Variants in PPP2R2B observed in about 807,000 individuals in gnomAD.
PPP2R2B encodes the protein protein phosphatase 2 regulatory subunit Bbeta, also known as serine/threonine-protein phosphatase 2A 55 kDa regulatory subunit B beta isoform.
Under a neutral mutation model 46.0 loss-of-function variants are expected in PPP2R2B, and 5 were observed. The observed-to-expected ratio is 0.11, with a 90% CI of 0.06 to 0.23. The LOEUF is 0.23. Among genes scored for constraint, PPP2R2B ranks in the 10% least tolerant of loss-of-function variants. The probability of loss-of-function intolerance (pLI) is 1.00; values close to 1 mark genes in which losing one functional copy is unlikely to be tolerated. For synonymous variants in PPP2R2B, 215 were observed against 206.7 expected (o/e 1.04, Z -0.34); for missense variants, 367 against 575.0 (o/e 0.64, Z 3.70).
At chr5:146,954,979 C>A (rs1038330959) in intron 1 of PPP2R2B, among the ~76,000 whole-genome samples, 4 of 152,078 alleles carry the variant, frequency 2.6e-5, no homozygotes, top group African/African-American at 7.2e-5. Context: ...ATAGGAAGAA[C>A]CATGATGAAT....
intron 6 of PPP2R2B, among the ~76,000 whole-genome samples, chr5:146,645,032 G>T (rs991838837): frequency 3.9e-5 from 6 of 152,304 alleles, no homozygotes; most frequent in Non-Finnish European, 7.3e-5. Context: ...AAGCTGAAGA[G>T]TGGAATCTAT....
At chr5:146,979,083 C>A (rs529945634) in intron 1 of PPP2R2B, among the ~76,000 whole-genome samples, 1 of 152,254 alleles carries the variant, frequency 6.6e-6, no homozygotes, top group African/African-American at 2.4e-5. Flanking sequence ...TCTACTTACT[C>A]TACTTCAGTA....
chr5:146,796,214 A>G (rs1756525684), intron 2 of PPP2R2B, among the ~76,000 whole-genome samples: 1 of 152,188 alleles, frequency 6.6e-6, no homozygotes, highest in Non-Finnish European at 1.5e-5. Context: ...GGGCAATGAA[A>G]AAAACCAATG....
At chr5:147,022,725 A>G (rs959178874) in intron 1 of PPP2R2B, among the ~76,000 whole-genome samples, 1 of 152,150 alleles carries the variant, frequency 6.6e-6, no homozygotes, top group South Asian at 2.1e-4. Context: ...AAAAAAGTCC[A>G]TTACATACAG....
chr5:146,856,480 T>A, intron 2 of PPP2R2B: 1 of 1,530,036 alleles, frequency 6.5e-7, no homozygotes, highest in Non-Finnish European at 9.1e-7. Context: ...AGAGTAGGTA[T>A]AAATAATAAT....
At chr5:147,018,037 G>GCA (rs1491254550) in intron 1 of PPP2R2B, among the ~76,000 whole-genome samples, 1 of 119,082 alleles carries the variant, frequency 8.4e-6, no homozygotes, top group African/African-American at 3.5e-5. Context: ...ACACATGCAT[G>GCA]CGCGCGCACA....
At chr5:146,868,197 A>G (rs1028158305) in intron 2 of PPP2R2B, among the ~76,000 whole-genome samples, 4 of 152,154 alleles carry the variant, frequency 2.6e-5, no homozygotes, top group Non-Finnish European at 5.9e-5. Context: ...CCTGCCAACA[A>G]CTTTGCCAAA....
At chr5:146,800,939 C>A (rs1582133861) in intron 2 of PPP2R2B, among the ~76,000 whole-genome samples, 1 of 151,500 alleles carries the variant, frequency 6.6e-6, no homozygotes. Context: ...CACACACACA[C>A]ACACACATAT....
chr5:147,021,552 A>T (rs1312586445), intron 1 of PPP2R2B, among the ~76,000 whole-genome samples: 1 of 152,196 alleles, frequency 6.6e-6, no homozygotes, highest in Admixed American at 6.5e-5. Flanking sequence ...CCCCAAACTG[A>T]GAGAGCTTCC....
At position 146,781,131 on chromosome 5, in the gene PPP2R2B, GATATATATATATATATATATATATAT is replaced by G. The variant is rs56697862; in HGVS notation, c.71-80015_71-79990del. On this transcript the variant is annotated intron_variant, in intron 2 of 9. Coordinates refer to ENST00000394411, the MANE Select transcript of PPP2R2B (RefSeq NM_181675.4). Reference sequence around the variant, plus strand: ...TCACTTACATACATAATGCCACCATGATATATATATATATATATATATATATATATATATATATATATATAAAATTA... The same window carrying G: ...TCACTTACATACATAATGCCACCATGATATATATATATATATATAAAATTA... Among the ~76,000 whole-genome samples, 19 of 49,462 alleles carry G rather than the reference GATATATATATATATATATATATATAT, an allele frequency of 3.8e-4. 1 individual carries two copies. Among genetic ancestry groups the G allele is most frequent in the South Asian group, 1.5e-3 (2 of 1,330 alleles). 32.4% of individuals were successfully genotyped at this position (49,462 alleles called of 152,430 possible).
intron 2 of PPP2R2B, among the ~76,000 whole-genome samples, chr5:146,841,960 A>C (rs1759677237): frequency 6.6e-6 from 1 of 152,194 alleles, no homozygotes; most frequent in Non-Finnish European, 1.5e-5. Context: ...GAGATTTGAT[A>C]TCAGAAATCT....
At chr5:146,738,680 T>A (rs1381202233) in intron 2 of PPP2R2B, among the ~76,000 whole-genome samples, 2 of 152,008 alleles carry the variant, frequency 1.3e-5, no homozygotes, top group Non-Finnish European at 2.9e-5. Context: ...GAACCAAGAG[T>A]CAGATTCCTC....
chr5:147,062,086 C>T (rs752332009), intron 2 of PPP2R2B, among the ~76,000 whole-genome samples: 23 of 152,090 alleles, frequency 1.5e-4, no homozygotes, highest in African/African-American at 2.2e-4. Flanking sequence ...AAGGTGTTCC[C>T]GTAAGATTAT....
At chr5:147,023,765 T>A (rs1178360235) in intron 1 of PPP2R2B, among the ~76,000 whole-genome samples, 2 of 151,920 alleles carry the variant, frequency 1.3e-5, no homozygotes, top group African/African-American at 4.8e-5. Flanking sequence ...TTGGAATCAG[T>A]AGACTGAGTA....
At chr5:146,900,777 C>T (rs1040099997) in intron 1 of PPP2R2B, among the ~76,000 whole-genome samples, 1 of 151,710 alleles carries the variant, frequency 6.6e-6, no homozygotes, top group Non-Finnish European at 1.5e-5. Flanking sequence ...TCCTAATGCC[C>T]CCCTCTCCCC....
At chr5:146,590,653 G>A (rs776666556) in intron 9 of PPP2R2B, among the ~76,000 whole-genome samples, 2 of 152,076 alleles carry the variant, frequency 1.3e-5, no homozygotes, top group Non-Finnish European at 2.9e-5. Flanking sequence ...CGTGTTTAAG[G>A]TTTGGCCACT....
chr5:146,974,582 G>A (rs1380746622), intron 1 of PPP2R2B, among the ~76,000 whole-genome samples: 1 of 151,854 alleles, frequency 6.6e-6, no homozygotes, highest in East Asian at 1.9e-4. Context: ...TCATCTTTGT[G>A]TTTTCAAGTT....
intron 1 of PPP2R2B, among the ~76,000 whole-genome samples, chr5:146,891,039 C>T (rs1437030332): frequency 3.9e-5 from 6 of 152,284 alleles, no homozygotes; most frequent in Middle Eastern, 3.4e-3. Flanking sequence ...AATTACAGTG[C>T]TATCATGTCC....
chr5:146,890,792 A>G (rs319189), intron 1 of PPP2R2B, among the ~76,000 whole-genome samples: 6 of 151,942 alleles, frequency 3.9e-5, no homozygotes, highest in African/African-American at 7.3e-5. Context: ...TAAATTTACA[A>G]TTGAAAAGTA....
Sources: allele counts gnomAD v4.1 joint callset (sites outside exome capture counted in the v4.1 genomes callset), GRCh38; gene constraint gnomAD v4.1.1; transcripts MANE v1.5; gene names NCBI Gene and HGNC (gene_info 2026-07-23, HGNC 2026-07-21).